TNFAIP8: variants seen among roughly 807,000 people sequenced by gnomAD.
TNFAIP8 encodes the protein tumor necrosis factor alpha-induced protein 8.
TNFAIP8 carries 7 observed loss-of-function variants against 13.3 expected under a neutral mutation model. The observed-to-expected ratio is 0.52, with a 90% CI of 0.30 to 0.99. The LOEUF is 0.99. TNFAIP8 is among the 50% of genes least tolerant of loss of function. The pLI, the probability that TNFAIP8 is intolerant of heterozygous loss-of-function variation, is 0.07. For synonymous variants in TNFAIP8, 94 were observed against 87.6 expected, an observed-to-expected ratio of 1.07 and a Z score of -0.41; for missense variants, 258 against 236.9, an observed-to-expected ratio of 1.09 and a Z score of -0.58.
At chr5:119,291,996 AGT>A (rs1749003641) in intron 1 of TNFAIP8, among the ~76,000 whole-genome samples, 3 of 152,200 alleles carry the variant, frequency 2.0e-5, no homozygotes, top group African/African-American at 4.8e-5. Flanking sequence ...AGAGAGGAGA[AGT>A]GAAGTCAAGA....
chr5:119,270,718 C>A lies in TNFAIP8; in HGVS notation c.1+1811C>A, dbSNP rs570489115. Among the ~76,000 whole-genome samples the A allele has an allele frequency of 4.6e-5, 7 of 152,286 alleles. No individual in the cohort carries two copies. The East Asian group carries it at 1.3e-3, about 29-fold the overall frequency. ...TTAGGGAAGTAGACTACCACCTACT[C>A]CTCTGTAAAATATGAATCCCTTAGA... On this transcript the variant is annotated intron_variant, in intron 1 of 1. Coordinates refer to the TNFAIP8 transcript ENST00000274456.
At position 119,382,876 on chromosome 5, in the gene TNFAIP8, A is replaced by G. The variant is rs140960605; in HGVS notation, c.32-9940A>G. On this transcript the variant is annotated intron_variant, in intron 1 of 1. Transcript: ENST00000504771. ...GTGAATTCATTCCAGAGGAATACCAAGAACCCTAGTTAATTTGTTAGCCAA... is the reference window on the plus strand; with the variant it reads ...GTGAATTCATTCCAGAGGAATACCAGGAACCCTAGTTAATTTGTTAGCCAA... 5.0e-3 allele frequency among the ~76,000 whole-genome samples: 764 copies of G among 152,378 alleles called. 5 individuals are homozygous for G. The highest frequency in any genetic ancestry group is 0.014 in the African/African-American group (597 of 41,588).
intron 1 of TNFAIP8, among the ~76,000 whole-genome samples, chr5:119,322,940 G>A (rs577289686): frequency 5.9e-5 from 9 of 152,272 alleles, no homozygotes; most frequent in Admixed American, 4.6e-4. Context: ...AGCTGAACTT[G>A]CCTTCTCTTT....
chr5:119,353,752 T>C (rs1321187645), upstream of TNFAIP8, among the ~76,000 whole-genome samples: 3 of 152,216 alleles, frequency 2.0e-5, no homozygotes, highest in Non-Finnish European at 2.9e-5. Flanking sequence ...TTGTCCCCAG[T>C]TGGACTTGCA....
intron 1 of TNFAIP8, among the ~76,000 whole-genome samples, chr5:119,281,348 A>G (rs1748624969): frequency 1.2e-5 from 1 of 86,114 alleles, no homozygotes; most frequent in Admixed American, 1.4e-4. Flanking sequence ...AAATACTCAT[A>G]TAAAGATAAA....
intron 1 of TNFAIP8, among the ~76,000 whole-genome samples, chr5:119,381,671 G>T (rs545622714): frequency 1.4e-4 from 21 of 152,276 alleles, no homozygotes; most frequent in Middle Eastern, 3.4e-3. Context: ...CAGGGTCCCG[G>T]GTAAGATTTC....
At chr5:119,307,872 A>T (rs1749614132) in intron 1 of TNFAIP8, among the ~76,000 whole-genome samples, 1 of 152,242 alleles carries the variant, frequency 6.6e-6, no homozygotes, top group African/African-American at 2.4e-5. Flanking sequence ...TCTTGGAAAC[A>T]AGCCAGAGTT....
chr5:119,372,360 A>G (rs1306775924), intron 1 of TNFAIP8, among the ~76,000 whole-genome samples: 1 of 151,644 alleles, frequency 6.6e-6, no homozygotes, highest in Non-Finnish European at 1.5e-5. Context: ...AATCACATCA[A>G]GAAGAAAAGT....
intron 1 of TNFAIP8, among the ~76,000 whole-genome samples, chr5:119,296,568 G>T (rs1054143304): frequency 6.6e-6 from 1 of 152,150 alleles, no homozygotes; most frequent in Non-Finnish European, 1.5e-5. Context: ...GTTCATCAAG[G>T]ATATTGGTCT....
chr5:119,288,616 A>C (rs1204080529), intron 1 of TNFAIP8, among the ~76,000 whole-genome samples: 1 of 152,242 alleles, frequency 6.6e-6, no homozygotes, highest in African/African-American at 2.4e-5. Flanking sequence ...TTCCTTATCA[A>C]CAGGCTTGTA....
chr5:119,383,406 A>G (rs748689621), intron 1 of TNFAIP8, among the ~76,000 whole-genome samples: 1 of 152,230 alleles, frequency 6.6e-6, no homozygotes, highest in African/African-American at 2.4e-5. Context: ...CCCCCCAACC[A>G]TTAAATAAAG....
At chr5:119,384,745 C>G (rs1407707592) in intron 1 of TNFAIP8, among the ~76,000 whole-genome samples, 1 of 152,186 alleles carries the variant, frequency 6.6e-6, no homozygotes, top group East Asian at 1.9e-4. Context: ...TTTATACTAA[C>G]ATCACCAAAC....
intron 1 of TNFAIP8, among the ~76,000 whole-genome samples, chr5:119,316,478 T>G (rs1249885889): frequency 6.6e-6 from 1 of 152,168 alleles, no homozygotes; most frequent in African/African-American, 2.4e-5. Context: ...TCTTTCTATG[T>G]CCCCTAATCA....
At chr5:119,368,320 A>T (rs1751941619) in intron 1 of TNFAIP8, among the ~76,000 whole-genome samples, 1 of 151,854 alleles carries the variant, frequency 6.6e-6, no homozygotes, top group Admixed American at 6.6e-5. Flanking sequence ...TTAAAAAGTA[A>T]GTTCATACTT....
At chr5:119,294,020 C>T (rs1464063203) in intron 1 of TNFAIP8, among the ~76,000 whole-genome samples, 1 of 151,944 alleles carries the variant, frequency 6.6e-6, no homozygotes, top group Non-Finnish European at 1.5e-5. Flanking sequence ...CGTGTTAGCT[C>T]TTCCCAATAC....
chr5:119,316,601 G>A (rs151194518), intron 1 of TNFAIP8, among the ~76,000 whole-genome samples: 1 of 152,130 alleles, frequency 6.6e-6, no homozygotes, highest in Non-Finnish European at 1.5e-5. Flanking sequence ...TAAACTCTAA[G>A]GCAGAGATTC....
intron 1 of TNFAIP8, among the ~76,000 whole-genome samples, chr5:119,295,108 T>A (rs1229673109): frequency 6.6e-6 from 1 of 151,932 alleles, no homozygotes; most frequent in Admixed American, 6.6e-5. Flanking sequence ...AGACATGAAG[T>A]CCTTGCCCGT....
chr5:119,389,572 A>C (rs1214000779), intron 1 of TNFAIP8, among the ~76,000 whole-genome samples: 1 of 152,196 alleles, frequency 6.6e-6, no homozygotes, highest in Non-Finnish European at 1.5e-5. Context: ...AAACTTCATG[A>C]GCACAGACCA....
intron 1 of TNFAIP8, among the ~76,000 whole-genome samples, chr5:119,385,473 C>G (rs1353168548): frequency 6.6e-6 from 1 of 152,148 alleles, no homozygotes; most frequent in Non-Finnish European, 1.5e-5. Context: ...TAGGCTTCTC[C>G]TCTTGTCTTG....
Sources: gnomAD v4.1 joint callset for allele counts (sites outside exome capture counted in the v4.1 genomes callset) on GRCh38, gnomAD v4.1.1 for gene constraint, MANE v1.5 for transcripts, NCBI Gene and HGNC (gene_info 2026-07-23, HGNC 2026-07-21) for gene names.